The following CDH13 variants were observed in gnomAD, a reference collection of about 807,000 sequenced individuals.
The protein encoded by CDH13 is cadherin 13, also known as cadherin-13.
A neutral mutation model predicts 63.8 loss-of-function variants in CDH13; 24 were observed. That is an observed-to-expected ratio of 0.38 (90% CI 0.27 to 0.53). The LOEUF is 0.53. CDH13 is among the 20% of genes least tolerant of loss of function. The pLI is 0.85. For missense variants in CDH13, 1,049 were observed against 903.1 expected (o/e 1.16, Z -2.07); for synonymous variants, 503 against 355.3 (o/e 1.42, Z -4.67).
intron 1 of CDH13, among the ~76,000 whole-genome samples, chr16:82,654,596 A>G (rs1412853907): frequency 6.6e-6 from 1 of 152,152 alleles, no homozygotes; most frequent in Non-Finnish European, 1.5e-5. Context: ...TGCTTTGGGC[A>G]TTCCCATTTT....
chr16:83,646,270 G>T (rs540182721), intron 8 of CDH13, among the ~76,000 whole-genome samples: 1 of 152,308 alleles, frequency 6.6e-6, no homozygotes, highest in East Asian at 1.9e-4. Context: ...GCTCATGACG[G>T]TAACCTACCC....
chr16:83,160,333 A>T (rs547402107), intron 4 of CDH13, among the ~76,000 whole-genome samples: 1 of 152,090 alleles, frequency 6.6e-6, no homozygotes, highest in African/African-American at 2.4e-5. Context: ...TTTATTATAA[A>T]CCTGAAACTG....
intron 6 of CDH13, among the ~76,000 whole-genome samples, chr16:83,403,389 C>T (rs909283925): frequency 6.6e-6 from 1 of 151,954 alleles, no homozygotes; most frequent in African/African-American, 2.4e-5. Flanking sequence ...TTTGGGAGGC[C>T]GAGGCGGGTG....
chr16:83,342,619 A>T lies in CDH13; in HGVS notation c.637-2243A>T, dbSNP rs146368723. Among the ~76,000 whole-genome samples the T allele has an allele frequency of 6.4e-4, 98 of 152,266 alleles. 1 individual carries two copies. The highest frequency in any genetic ancestry group is 2.3e-3 in the African/African-American group (96 of 41,564). The stretch of plus-strand genomic sequence containing the variant: ...AGCTCCACATTCTGTATTCATCCTA[A>T]TCAATGGTGTCTCCTTAGTTTCTGT... On this transcript the variant is annotated intron_variant, in intron 5 of 13. Transcript: ENST00000567109.
chr16:83,770,734 G>A (rs1200204761), intron 11 of CDH13, among the ~76,000 whole-genome samples: 2 of 152,174 alleles, frequency 1.3e-5, no homozygotes, highest in East Asian at 3.9e-4. Flanking sequence ...TCATGGTGCT[G>A]GTGGGAGTGC....
At chr16:83,531,208 C>A (rs1427854044) in intron 7 of CDH13, among the ~76,000 whole-genome samples, 1 of 152,186 alleles carries the variant, frequency 6.6e-6, no homozygotes, top group African/African-American at 2.4e-5. Flanking sequence ...GTAATCTTGA[C>A]TTTGTCTGTT....
rs537376928 is a variant in CDH13 at position 83,618,406 on chromosome 16, CAGAG to C, written c.1101+15818_1101+15821del. Reference sequence around the variant, plus strand: ...TGCCACTGAGCTTTAGCCTGGAGAACAGAGAGAGACTCCAAAAAAAAAAAAAAAG... The same window carrying C: ...TGCCACTGAGCTTTAGCCTGGAGAACAGAGACTCCAAAAAAAAAAAAAAAG... On this transcript the variant is annotated intron_variant, in intron 8 of 13. Coordinates refer to ENST00000567109, the MANE Select transcript of CDH13 (RefSeq NM_001257.5). Among the ~76,000 whole-genome samples the C allele has an allele frequency of 2.7e-4, 39 of 142,890 alleles. No individual in the cohort carries two copies. The South Asian group carries it at 8.2e-3, about 30-fold the overall frequency. The allele number at this position is 142,890 out of a possible 152,430, so 93.7% of individuals were successfully genotyped here.
chr16:83,474,631 G>A (rs538113152), intron 6 of CDH13, among the ~76,000 whole-genome samples: 1 of 152,306 alleles, frequency 6.6e-6, no homozygotes, highest in Non-Finnish European at 1.5e-5. Flanking sequence ...TCATTAAAAA[G>A]GAGGATGTAG....
At chr16:83,143,334 G>T (rs1032034470) in intron 4 of CDH13, among the ~76,000 whole-genome samples, 4 of 152,016 alleles carry the variant, frequency 2.6e-5, no homozygotes, top group Non-Finnish European at 4.4e-5. Flanking sequence ...AAAATATTTA[G>T]GAAAGTCTCA....
intron 7 of CDH13, among the ~76,000 whole-genome samples, chr16:83,509,982 C>G (rs906035202): frequency 2.0e-5 from 3 of 152,126 alleles, no homozygotes; most frequent in Admixed American, 2.0e-4. Context: ...GCCAGCGTAC[C>G]TCCTTGTGTC....
intron 2 of CDH13, among the ~76,000 whole-genome samples, chr16:82,957,067 T>A (rs549596679): frequency 5.2e-4 from 79 of 152,280 alleles, no homozygotes; most frequent in Non-Finnish European, 1.0e-3. Context: ...ATTTGTGGAA[T>A]GTATCCTGTG....
At chr16:83,056,073 A>G (rs2030898192) in intron 3 of CDH13, among the ~76,000 whole-genome samples, 1 of 152,250 alleles carries the variant, frequency 6.6e-6, no homozygotes, top group Non-Finnish European at 1.5e-5. Flanking sequence ...AAAAGAGGAT[A>G]TCTACATGAC....
chr16:83,027,796 C>T (rs1018571312), intron 2 of CDH13, among the ~76,000 whole-genome samples: 2 of 152,166 alleles, frequency 1.3e-5, no homozygotes, highest in Non-Finnish European at 2.9e-5. Context: ...TAACTGCTTA[C>T]ATCCAGTTCG....
chr16:82,912,898 A>T (rs1037633719), intron 2 of CDH13, among the ~76,000 whole-genome samples: 1 of 151,484 alleles, frequency 6.6e-6, no homozygotes, highest in Non-Finnish European at 1.5e-5. Flanking sequence ...AGCCGAGATC[A>T]CGCCACTGCA....
chr16:83,757,193 A>G (rs1913580572), intron 11 of CDH13, among the ~76,000 whole-genome samples: 1 of 152,256 alleles, frequency 6.6e-6, no homozygotes, highest in African/African-American at 2.4e-5. Context: ...AAACAAAAAT[A>G]GAAATATGAA....
At chr16:83,291,653 G>A (rs988489663) in intron 5 of CDH13, among the ~76,000 whole-genome samples, 1 of 152,034 alleles carries the variant, frequency 6.6e-6, no homozygotes, top group Non-Finnish European at 1.5e-5. Context: ...ACTGTTTGAT[G>A]TAACTAAAAA....
At chr16:83,365,411 C>A (rs187439753) in intron 6 of CDH13, among the ~76,000 whole-genome samples, 74 of 152,290 alleles carry the variant, frequency 4.9e-4, no homozygotes, top group East Asian at 3.3e-3. Context: ...GTAATCTCTT[C>A]CAGACATGCC....
chr16:83,505,064 G>C (rs1404087184), intron 7 of CDH13, among the ~76,000 whole-genome samples: 2 of 152,126 alleles, frequency 1.3e-5, no homozygotes, highest in African/African-American at 4.8e-5. Flanking sequence ...CACCACCTCT[G>C]TCTTTGCCTG....
chr16:83,454,072 A>T (rs930746530), intron 6 of CDH13, among the ~76,000 whole-genome samples: 1 of 152,220 alleles, frequency 6.6e-6, no homozygotes, highest in Non-Finnish European at 1.5e-5. Flanking sequence ...CTATCTGTGG[A>T]AAAATTGATT....
Sources: allele counts gnomAD v4.1 joint callset (sites outside exome capture counted in the v4.1 genomes callset), GRCh38; gene constraint gnomAD v4.1.1; transcripts MANE v1.5; gene names NCBI Gene and HGNC (gene_info 2026-07-23, HGNC 2026-07-21).